RABGAP1L: variants seen among roughly 807,000 people sequenced by gnomAD.
RABGAP1L encodes the protein RAB GTPase activating protein 1 like, also known as rab GTPase-activating protein 1-like.
A neutral mutation model predicts 137.7 loss-of-function variants in RABGAP1L; 63 were observed. The observed-to-expected ratio is 0.46, with a 90% confidence interval of 0.37 to 0.56. RABGAP1L has a LOEUF of 0.56. RABGAP1L is among the 20% of genes least tolerant of loss of function. The pLI, the probability that RABGAP1L is intolerant of heterozygous loss-of-function variation, is 0.00. For synonymous variants in RABGAP1L, 431 were observed against 433.7 expected (o/e 0.99, Z 0.08); for missense variants, 1,095 against 1,244.0 (o/e 0.88, Z 1.80).
chr1:174,978,246 G>A (rs1670816002), intron 22 of RABGAP1L, among the ~76,000 whole-genome samples: 1 of 152,150 alleles, frequency 6.6e-6, no homozygotes, highest in African/African-American at 2.4e-5. Flanking sequence ...CTGCCATTAT[G>A]TGTCACTTTA....
At chr1:174,456,048 A>G (rs1656006721) in intron 13 of RABGAP1L, among the ~76,000 whole-genome samples, 2 of 152,120 alleles carry the variant, frequency 1.3e-5, no homozygotes, top group African/African-American at 4.8e-5. Flanking sequence ...GAAAATGAAG[A>G]CTTAGTTATT....
At chr1:174,616,003 A>C (rs1454502596) in intron 13 of RABGAP1L, among the ~76,000 whole-genome samples, 2 of 151,798 alleles carry the variant, frequency 1.3e-5, no homozygotes, top group African/African-American at 4.8e-5. Context: ...TGGCTAGCAA[A>C]GGGAACTCCC....
chr1:174,664,697 TTCTCTC>T (rs1277384139), intron 14 of RABGAP1L, among the ~76,000 whole-genome samples: 1 of 149,522 alleles, frequency 6.7e-6, no homozygotes, highest in Non-Finnish European at 1.5e-5. Flanking sequence ...TTATGGTTCT[TTCTCTC>T]TCTCTCTCTT....
At chr1:174,667,928 G>C (rs1212966535) in intron 14 of RABGAP1L, among the ~76,000 whole-genome samples, 3 of 152,158 alleles carry the variant, frequency 2.0e-5, no homozygotes, top group Non-Finnish European at 2.9e-5. Context: ...TAGGTGCTCA[G>C]TAAATACTCA....
At chr1:174,620,375 T>C (rs893591428) in intron 13 of RABGAP1L, among the ~76,000 whole-genome samples, 1 of 152,164 alleles carries the variant, frequency 6.6e-6, no homozygotes, top group Non-Finnish European at 1.5e-5. Flanking sequence ...ATTGACCACA[T>C]AGTTGGAAGT....
chr1:174,519,422 G>T (rs1663168379), intron 13 of RABGAP1L, among the ~76,000 whole-genome samples: 1 of 152,004 alleles, frequency 6.6e-6, no homozygotes, highest in Admixed American at 6.6e-5. Flanking sequence ...GGCTAGGCCA[G>T]TCTCACCGTT....
At chr1:174,961,690 A>G (rs1476044478) in intron 20 of RABGAP1L, among the ~76,000 whole-genome samples, 2 of 151,814 alleles carry the variant, frequency 1.3e-5, no homozygotes, top group African/African-American at 4.8e-5. Context: ...ACTAAAAAAT[A>G]TAAAAATTAG....
At chr1:174,548,400 G>T (rs1666190057) in intron 13 of RABGAP1L, 2 of 980,762 alleles carry the variant, frequency 2.0e-6, no homozygotes, top group South Asian at 4.2e-5. Flanking sequence ...AACTATAAGT[G>T]GAAATAATGA....
At chr1:174,746,847 T>A (rs1307875705) in intron 17 of RABGAP1L, among the ~76,000 whole-genome samples, 1 of 152,200 alleles carries the variant, frequency 6.6e-6, no homozygotes, top group East Asian at 1.9e-4. Flanking sequence ...GGACATGCCT[T>A]TAATGTAATT....
chr1:174,345,447 G>A (rs1682349319), intron 11 of RABGAP1L, among the ~76,000 whole-genome samples: 1 of 151,992 alleles, frequency 6.6e-6, no homozygotes, highest in Non-Finnish European at 1.5e-5. Context: ...ATTTTTTGGT[G>A]TCCTCTTTGA....
chr1:174,531,155 C>T (rs1380158858), intron 13 of RABGAP1L, among the ~76,000 whole-genome samples: 3 of 152,024 alleles, frequency 2.0e-5, no homozygotes, highest in Non-Finnish European at 2.9e-5. Context: ...GATAACACTA[C>T]GTTCATGGTC....
intron 14 of RABGAP1L, among the ~76,000 whole-genome samples, chr1:174,676,761 G>T (rs907223428): frequency 6.6e-6 from 1 of 152,122 alleles, no homozygotes; most frequent in Non-Finnish European, 1.5e-5. Flanking sequence ...TTGAACTGGT[G>T]TAATAGATTA....
At chr1:174,632,511 G>C (rs1027121798) in intron 13 of RABGAP1L, among the ~76,000 whole-genome samples, 1 of 150,270 alleles carries the variant, frequency 6.7e-6, no homozygotes, top group African/African-American at 2.5e-5. Flanking sequence ...TCCATTCTCT[G>C]CATCACTTTG....
At chr1:174,469,113 TAATAG>T (rs1657621994) in intron 13 of RABGAP1L, among the ~76,000 whole-genome samples, 1 of 152,200 alleles carries the variant, frequency 6.6e-6, no homozygotes, top group African/African-American at 2.4e-5. Flanking sequence ...TTTTATCTAT[TAATAG>T]AAAAGTGCAG....
chr1:174,911,134 A>T (rs1466035874), intron 19 of RABGAP1L, among the ~76,000 whole-genome samples: 2 of 152,026 alleles, frequency 1.3e-5, no homozygotes, highest in South Asian at 4.1e-4. Context: ...ACCTATTTTT[A>T]AATTTTTTTA....
chr1:174,672,255 C>T (rs1007008421), intron 14 of RABGAP1L, among the ~76,000 whole-genome samples: 4 of 144,948 alleles, frequency 2.8e-5, no homozygotes, highest in Non-Finnish European at 4.5e-5. Flanking sequence ...ATGAACAACT[C>T]ATTTCATTGA....
At chr1:174,959,649 C>A (rs1214203274) in intron 20 of RABGAP1L, among the ~76,000 whole-genome samples, 2 of 152,046 alleles carry the variant, frequency 1.3e-5, no homozygotes, top group African/African-American at 2.4e-5. Context: ...ATATCGGATA[C>A]CCTCTATTGC....
At chr1:174,495,551 C>T (rs1277603211) in intron 13 of RABGAP1L, among the ~76,000 whole-genome samples, 2 of 152,176 alleles carry the variant, frequency 1.3e-5, no homozygotes, top group Non-Finnish European at 2.9e-5. Context: ...TCTAATTGTA[C>T]ATAAATCTCC....
chr1:174,857,699 A>G (rs995783926), intron 19 of RABGAP1L, among the ~76,000 whole-genome samples: 3 of 152,166 alleles, frequency 2.0e-5, no homozygotes, highest in African/African-American at 7.2e-5. Context: ...ATTAATAATG[A>G]TATGTATTAA....
Sources: gnomAD v4.1 joint callset for allele counts (sites outside exome capture counted in the v4.1 genomes callset) on GRCh38, gnomAD v4.1.1 for gene constraint, MANE v1.5 for transcripts, NCBI Gene and HGNC (gene_info 2026-07-23, HGNC 2026-07-21) for gene names.